The following KRT8 variants were observed in gnomAD, a reference collection of about 807,000 sequenced individuals.
KRT8 encodes keratin, type II cytoskeletal 8.
A neutral mutation model predicts 43.0 loss-of-function variants in KRT8; 24 were observed. That is an observed-to-expected ratio of 0.56 (90% CI 0.40 to 0.78). KRT8 has a LOEUF of 0.78. Among genes scored for constraint, KRT8 ranks in the 30% least tolerant of loss-of-function variants. KRT8 has a pLI of 0.00. For missense variants in KRT8, 492 were observed against 638.4 expected (o/e 0.77, Z 2.47); for synonymous variants, 214 against 261.2 (o/e 0.82, Z 1.74).
At chr12:52,949,282 G>A (rs1281260117) in intron 2 of KRT8, 1 of 1,610,636 alleles carries the variant, frequency 6.2e-7, no homozygotes, top group Non-Finnish European at 8.5e-7. Context: ...CAGCGTCTAT[G>A]CAGGCGCTGG....
At chr12:52,942,914 C>G (rs542885839) in intron 2 of KRT8, among the ~76,000 whole-genome samples, 85 of 152,068 alleles carry the variant, frequency 5.6e-4, no homozygotes, top group Admixed American at 2.0e-3. Flanking sequence ...GAGGAAGGAG[C>G]CTAGAGAGGT....
intron 2 of KRT8, among the ~76,000 whole-genome samples, chr12:52,941,050 T>C (rs552989297): frequency 6.7e-6 from 1 of 150,116 alleles, no homozygotes; most frequent in African/African-American, 2.5e-5. Context: ...GTAGGCAAAT[T>C]GTGCATCAAT....
intron 2 of KRT8, among the ~76,000 whole-genome samples, chr12:52,944,041 G>A (rs1157698450): frequency 6.6e-6 from 1 of 152,154 alleles, no homozygotes; most frequent in Non-Finnish European, 1.5e-5. Flanking sequence ...CAAGGGGGCT[G>A]GGAAGAAAAG....
At chr12:52,933,697 T>C (rs2120704898) in intron 2 of KRT8, among the ~76,000 whole-genome samples, 1 of 152,166 alleles carries the variant, frequency 6.6e-6, no homozygotes, top group East Asian at 2.0e-4. Context: ...CAGTCTCGGC[T>C]CACTGCAAAC....
intron 2 of KRT8, among the ~76,000 whole-genome samples, chr12:52,936,545 T>C (rs1942172572): frequency 6.6e-6 from 1 of 152,170 alleles, no homozygotes. Flanking sequence ...GGAGTTTCAC[T>C]CTTGTTGCCC....
chr12:52,918,651 A>G (rs1367084071), intron 2 of KRT8, among the ~76,000 whole-genome samples: 2 of 152,226 alleles, frequency 1.3e-5, no homozygotes, highest in Non-Finnish European at 2.9e-5. Context: ...CTGAAAATGC[A>G]GATAGTAACA....
intron 1 of KRT8, chr12:52,903,533 C>T (rs918412603): frequency 2.6e-5 from 4 of 152,216 alleles, no homozygotes; most frequent in African/African-American, 9.6e-5. Flanking sequence ...ACAATGCCTC[C>T]CAGGAGCCAG....
At chr12:52,922,588 G>T (rs1428327990) in intron 2 of KRT8, among the ~76,000 whole-genome samples, 2 of 152,148 alleles carry the variant, frequency 1.3e-5, no homozygotes, top group African/African-American at 4.8e-5. Context: ...CAGGAGAATC[G>T]CTTGAACCCA....
chr12:52,941,503 T>TTG (rs1555190269), intron 2 of KRT8, among the ~76,000 whole-genome samples: 6 of 133,180 alleles, frequency 4.5e-5, no homozygotes, highest in East Asian at 4.7e-4. Flanking sequence ...TTTTTTTTTT[T>TTG]TTGAGACAGT....
chr12:52,929,511 A>G (rs1046008054), intron 2 of KRT8, among the ~76,000 whole-genome samples: 19 of 152,016 alleles, frequency 1.2e-4, no homozygotes, highest in African/African-American at 4.3e-4. Flanking sequence ...TTAAAAGACA[A>G]TTCCTTTGGC....
chr12:52,929,157 C>A lies in KRT8; in HGVS notation c.-47+20299G>T, dbSNP rs1942043070. On this transcript the variant is annotated intron_variant, in intron 2 of 6. Coordinates refer to the KRT8 transcript ENST00000546826. ...CCTGCATCCCTGGAATAGTGGATAC[C>A]ACTGACCACTCCTCCTTCCTTCCTT... 1.3e-5 allele frequency among the ~76,000 whole-genome samples: 2 copies of A among 151,550 alleles called. 1 individual carries two copies. Among genetic ancestry groups the A allele is most frequent in the Non-Finnish European group, 2.9e-5 (2 of 67,948 alleles).
exon 4 of KRT8, chr12:52,900,644 A>C (rs1440034762): frequency 6.2e-7 from 1 of 1,613,180 alleles, no homozygotes; most frequent in Non-Finnish European, 8.5e-7. Flanking sequence ...TCCAGGCGAG[A>C]CTCCAGCTCT....
exon 8 of KRT8, chr12:52,897,426 G>A (rs777483081): frequency 1.9e-6 from 3 of 1,598,708 alleles, no homozygotes; most frequent in Non-Finnish European, 2.5e-6. Flanking sequence ...TGCCGCAGCT[G>A]TTCACTTGGG....
At chr12:52,940,397 C>T (rs546680661) in intron 2 of KRT8, among the ~76,000 whole-genome samples, 4 of 141,782 alleles carry the variant, frequency 2.8e-5, no homozygotes, top group African/African-American at 1.1e-4. Flanking sequence ...CATGCCACTG[C>T]ACTCCAGCCT....
chr12:52,918,496 C>T (rs541481626), intron 2 of KRT8, among the ~76,000 whole-genome samples: 11 of 152,312 alleles, frequency 7.2e-5, no homozygotes, highest in Admixed American at 1.3e-4. Flanking sequence ...GCCAGACAGA[C>T]GCCGCGCAGG....
intron 2 of KRT8, among the ~76,000 whole-genome samples, chr12:52,923,909 A>G (rs1015486955): frequency 2.0e-5 from 3 of 150,994 alleles, no homozygotes; most frequent in African/African-American, 7.3e-5. Flanking sequence ...CAGTGGCATG[A>G]TCACTGCTCG....
At chr12:52,938,289 C>A (rs2120722797) in intron 2 of KRT8, among the ~76,000 whole-genome samples, 1 of 149,294 alleles carries the variant, frequency 6.7e-6, no homozygotes, top group South Asian at 2.1e-4. Flanking sequence ...GTGCCTTGGC[C>A]TCCCGAGTAG....
At chr12:52,899,695 G>A in intron 5 of KRT8, 80 bp downstream of exon 5, 1 of 1,344,760 alleles carries the variant, frequency 7.4e-7, no homozygotes, top group Non-Finnish European at 1.1e-6. Context: ...CCGACTCCCA[G>A]AAACTTCACT....
At position 52,897,199 on chromosome 12, in the gene KRT8, G is replaced by C. The variant is rs1941227701; in HGVS notation, c.*229C>G. ...ACACACAAGCAAGGACATTGGCAGA[G>C]CTAGCTGAGGTTTTATTTTGGACCA... On this transcript the variant is annotated 3_prime_UTR_variant, in exon 8 of 8. Coordinates refer to ENST00000692008, the Ensembl canonical transcript of KRT8. 1.6e-5 allele frequency: 10 copies of C among 620,914 alleles called. No individual in the cohort carries two copies. In the South Asian group the frequency reaches 1.7e-4, roughly 11 times the overall value. 38.5% of individuals were successfully genotyped at this position (620,914 alleles called of 1,614,324 possible).
Sources: gnomAD v4.1 joint callset for allele counts (sites outside exome capture counted in the v4.1 genomes callset) on GRCh38, gnomAD v4.1.1 for gene constraint, MANE v1.5 for transcripts, NCBI Gene and HGNC (gene_info 2026-07-23, HGNC 2026-07-21) for gene names.